The following PRKG1 variants were observed in gnomAD, a reference collection of about 807,000 sequenced individuals.
The protein encoded by PRKG1 is cGMP-dependent protein kinase 1.
A neutral mutation model predicts 88.1 loss-of-function variants in PRKG1; 35 were observed. The ratio of observed to expected loss-of-function variants is 0.40; its 90% CI spans 0.30 to 0.53. The LOEUF (loss-of-function observed/expected upper bound fraction) is 0.53. PRKG1 is among the 20% of genes least tolerant of loss of function. The pLI is 0.59. For synonymous variants in PRKG1, 303 were observed against 292.5 expected, an observed-to-expected ratio of 1.04 and a Z score of -0.37; for missense variants, 540 against 839.8, an observed-to-expected ratio of 0.64 and a Z score of 4.41.
At chr10:51,455,042 A>C (rs958208556) in intron 2 of PRKG1, among the ~76,000 whole-genome samples, 1 of 152,214 alleles carries the variant, frequency 6.6e-6, no homozygotes, top group Non-Finnish European at 1.5e-5. Flanking sequence ...ATGCATTCCC[A>C]TACATCCTCT....
intron 8 of PRKG1, among the ~76,000 whole-genome samples, chr10:52,155,483 C>T (rs530016107): frequency 1.3e-5 from 2 of 151,706 alleles, no homozygotes; most frequent in Admixed American, 6.6e-5. Flanking sequence ...TGTAACCAGG[C>T]GTGTCCTACA....
intron 5 of PRKG1, among the ~76,000 whole-genome samples, chr10:51,997,071 C>T (rs1360178382): frequency 1.2e-5 from 1 of 86,940 alleles, no homozygotes; most frequent in Non-Finnish European, 2.2e-5. Context: ...AAGAGTTGAT[C>T]TCATGAAAAT....
intron 1 of PRKG1, among the ~76,000 whole-genome samples, chr10:51,152,501 C>T (rs372558063): frequency 6.6e-6 from 1 of 152,140 alleles, no homozygotes; most frequent in South Asian, 2.1e-4. Context: ...TTATCTCCCA[C>T]CATTTACTGA....
intron 2 of PRKG1, among the ~76,000 whole-genome samples, chr10:51,217,464 A>G (rs2132084158): frequency 6.6e-6 from 1 of 152,254 alleles, no homozygotes; most frequent in South Asian, 2.1e-4. Flanking sequence ...GATGATTACA[A>G]AAGAAGAGAT....
chr10:51,968,832 A>G (rs955959621), intron 5 of PRKG1, among the ~76,000 whole-genome samples: 2 of 151,186 alleles, frequency 1.3e-5, no homozygotes, highest in South Asian at 4.2e-4. Context: ...AAAAAAAAAA[A>G]AAAAAGAAAA....
intron 7 of PRKG1, among the ~76,000 whole-genome samples, chr10:52,076,446 G>A (rs1345195225): frequency 3.3e-5 from 5 of 152,100 alleles, no homozygotes; most frequent in Admixed American, 3.3e-4. Context: ...GATCCCAGCT[G>A]CTCAGGAGGC....
chr10:52,248,907 T>TC (rs57885426), intron 9 of PRKG1, among the ~76,000 whole-genome samples: 1 of 146,998 alleles, frequency 6.8e-6, no homozygotes, highest in East Asian at 2.0e-4. Flanking sequence ...TCCTTTCTCT[T>TC]TTCTTTCCTT....
chr10:51,054,022 T>C (rs1177930898), intron 1 of PRKG1, among the ~76,000 whole-genome samples: 1 of 152,212 alleles, frequency 6.6e-6, no homozygotes, highest in African/African-American at 2.4e-5. Flanking sequence ...AGACTATATG[T>C]GAAACCAGCC....
At chr10:51,624,242 C>A in intron 3 of PRKG1, among the ~76,000 whole-genome samples, 1 of 152,114 alleles carries the variant, frequency 6.6e-6, no homozygotes, top group East Asian at 1.9e-4. Context: ...CAAATACATG[C>A]TTGCTAGACC....
intron 3 of PRKG1, among the ~76,000 whole-genome samples, chr10:51,801,300 T>G (rs543660563): frequency 1.4e-4 from 21 of 152,244 alleles, no homozygotes; most frequent in African/African-American, 5.1e-4. Context: ...CAAATTTATT[T>G]ATGGACACAG....
chr10:51,468,654 T>C (rs1405576562), intron 3 of PRKG1, among the ~76,000 whole-genome samples: 1 of 151,894 alleles, frequency 6.6e-6, no homozygotes, highest in Non-Finnish European at 1.5e-5. Flanking sequence ...AAAGTCCTTC[T>C]GACACATTTT....
chr10:51,830,825 G>A (rs751860511), intron 4 of PRKG1, among the ~76,000 whole-genome samples: 3 of 151,972 alleles, frequency 2.0e-5, no homozygotes, highest in African/African-American at 4.8e-5. Context: ...GCCCCCCAAA[G>A]TGCTGGTATT....
intron 7 of PRKG1, among the ~76,000 whole-genome samples, chr10:52,103,986 A>G (rs931018236): frequency 7.6e-5 from 11 of 144,042 alleles, no homozygotes; most frequent in Non-Finnish European, 1.7e-4. Context: ...TTATGACTTC[A>G]TGTGTGTGTG....
chr10:51,927,403 A>T (rs2879632), intron 5 of PRKG1, among the ~76,000 whole-genome samples: 60,760 of 151,978 alleles, frequency 0.4, 14,039 homozygotes, highest in African/African-American at 0.63. Flanking sequence ...CCATTAACCT[A>T]AAACCTCTTT....
chr10:51,079,460 T>G (rs1157711046), intron 1 of PRKG1, among the ~76,000 whole-genome samples: 1 of 152,076 alleles, frequency 6.6e-6, no homozygotes, highest in East Asian at 1.9e-4. Flanking sequence ...AGATAGGGAT[T>G]GGGGAAATAC....
intron 4 of PRKG1, among the ~76,000 whole-genome samples, chr10:51,879,739 A>C (rs1321118919): frequency 6.6e-6 from 1 of 152,132 alleles, no homozygotes; most frequent in East Asian, 1.9e-4. Flanking sequence ...TGCTGGCTTG[A>C]GTGTAGGTCT....
chr10:52,065,498 T>C (rs901646329), intron 7 of PRKG1, among the ~76,000 whole-genome samples: 1 of 148,598 alleles, frequency 6.7e-6, no homozygotes, highest in Non-Finnish European at 1.5e-5. Flanking sequence ...CACAATCAGA[T>C]GACAGGTTTT....
chr10:51,741,387 G>T (rs1244563755), intron 3 of PRKG1, among the ~76,000 whole-genome samples: 3 of 151,904 alleles, frequency 2.0e-5, no homozygotes, highest in Admixed American at 6.6e-5. Flanking sequence ...AATTTTGGGG[G>T]TCCATTTTCT....
At chr10:51,265,971 C>T (rs1403830137) in intron 2 of PRKG1, among the ~76,000 whole-genome samples, 1 of 152,204 alleles carries the variant, frequency 6.6e-6, no homozygotes, top group Admixed American at 6.5e-5. Flanking sequence ...TCAGAGTCAT[C>T]TAGAAGACTT....
Sources: gnomAD v4.1 joint callset for allele counts (sites outside exome capture counted in the v4.1 genomes callset) on GRCh38, gnomAD v4.1.1 for gene constraint, MANE v1.5 for transcripts, NCBI Gene and HGNC (gene_info 2026-07-23, HGNC 2026-07-21) for gene names.